UGT1A5: variants seen among roughly 807,000 people sequenced by gnomAD.
The protein encoded by UGT1A5 is UDP glucuronosyltransferase family 1 member A5.
In UGT1A5, 29 loss-of-function variants were observed where a neutral mutation model predicts 40.3. The ratio of observed to expected loss-of-function variants is 0.72; its 90% CI spans 0.54 to 0.98. The LOEUF is 0.98. Among genes scored for constraint, UGT1A5 ranks in the 50% least tolerant of loss-of-function variants. UGT1A5 has a pLI of 0.00. For synonymous variants in UGT1A5, 257 were observed against 262.5 expected (o/e 0.98, Z 0.20); for missense variants, 678 against 677.9 (o/e 1.00, Z 0.00).
chr2:233,719,875 G>A (rs1258647724), intron 1 of UGT1A5, among the ~76,000 whole-genome samples: 1 of 152,206 alleles, frequency 6.6e-6, no homozygotes, highest in Non-Finnish European at 1.5e-5. Context: ...AGGAAGAAGA[G>A]GCACGGATGA....
chr2:233,719,624 G>A (rs3732217), intron 1 of UGT1A5: 109,088 of 1,613,632 alleles, frequency 0.068, 3,778 homozygotes, highest in East Asian at 0.17. Context: ...ACCCCAGGCC[G>A]ATCATGCCCA....
chr2:233,765,728 A>C (rs1698929525), intron 1 of UGT1A5, among the ~76,000 whole-genome samples: 1 of 151,098 alleles, frequency 6.6e-6, no homozygotes, highest in Admixed American at 6.6e-5. Flanking sequence ...TAATAATAAT[A>C]ATAAATAAAC....
chr2:233,772,643 T>C lies in UGT1A5; in HGVS notation c.*84T>C, dbSNP rs78684540. ...AAAACAGAATCAGTGTTAAATTCAT[T>C]TTATTCTTATTAAGGAAATACTTTG... is the stretch of plus-strand genomic sequence containing the variant. On this transcript the variant is annotated 3_prime_UTR_variant, in exon 5 of 5. Transcript: ENST00000373414. The C allele has an allele frequency of 4.5e-5, 70 of 1,550,640 alleles. No homozygotes were observed. The East Asian group carries it at 1.3e-3, about 28-fold the overall frequency.
At chr2:233,768,584 T>C (rs1699663282) in intron 4 of UGT1A5, 145 bp downstream of exon 4, 3 of 86,896 alleles carry the variant, frequency 3.5e-5, no homozygotes, top group Non-Finnish European at 4.3e-5. Flanking sequence ...TATTTCTTCT[T>C]TTTTTTTTTT....
intron 1 of UGT1A5, among the ~76,000 whole-genome samples, chr2:233,722,899 G>A (rs1015320069): frequency 7.8e-6 from 1 of 128,092 alleles, no homozygotes; most frequent in Non-Finnish European, 1.7e-5. Flanking sequence ...AGTGGAAGTG[G>A]ATCATCATAA....
chr2:233,738,550 A>G (rs1046913634), intron 1 of UGT1A5, among the ~76,000 whole-genome samples: 1 of 152,224 alleles, frequency 6.6e-6, no homozygotes, highest in African/African-American at 2.4e-5. Flanking sequence ...AGTCTCAGAT[A>G]GAGATGAGGA....
chr2:233,766,884 A>C, intron 1 of UGT1A5, 150 bp from the exon 2 acceptor site: 4 of 1,457,402 alleles, frequency 2.7e-6, no homozygotes, highest in Non-Finnish European at 3.6e-6. Context: ...ATGCTGTAAA[A>C]CTTACATATT....
At chr2:233,746,478 T>C (rs1007346584) in intron 1 of UGT1A5, among the ~76,000 whole-genome samples, 1 of 151,746 alleles carries the variant, frequency 6.6e-6, no homozygotes, top group Non-Finnish European at 1.5e-5. Flanking sequence ...AGAAACACTT[T>C]CCATGGACAT....
chr2:233,760,285 G>A (rs376515645), intron 1 of UGT1A5: 12 of 1,612,814 alleles, frequency 7.4e-6, no homozygotes, highest in African/African-American at 4.0e-5. Context: ...GAGCAAAGGC[G>A]CCATGGCTGT....
chr2:233,720,665 C>T (rs2076879709), intron 1 of UGT1A5, among the ~76,000 whole-genome samples: 1 of 151,682 alleles, frequency 6.6e-6, no homozygotes, highest in South Asian at 2.1e-4. Flanking sequence ...AATTCACACA[C>T]CAATGAATTT....
In UGT1A5 at chr2:233,773,103, T is replaced by A. The variant is rs1559421928; in HGVS notation, c.*544T>A. ...CTTGGAGTGCACTGAGAACAGCATATGATTTCTTGCTTTGGGGAAAAAGAA... is the reference window on the plus strand; with the variant it reads ...CTTGGAGTGCACTGAGAACAGCATAAGATTTCTTGCTTTGGGGAAAAAGAA... On this transcript the variant is annotated 3_prime_UTR_variant, in exon 5 of 5. Transcript: ENST00000373414. The A allele has an allele frequency of 6.4e-6, 1 of 156,320 alleles. No individual in the cohort carries two copies. Among genetic ancestry groups the A allele is most frequent in the Non-Finnish European group, 1.4e-5 (1 of 70,266 alleles). 9.7% of individuals were successfully genotyped at this position (156,320 alleles called of 1,614,324 possible).
intron 1 of UGT1A5, among the ~76,000 whole-genome samples, chr2:233,716,363 G>A (rs914574200): frequency 6.6e-6 from 1 of 152,108 alleles, no homozygotes; most frequent in Non-Finnish European, 1.5e-5. Context: ...ATACTTTGTG[G>A]GGCTGTGATT....
At chr2:233,741,101 A>C (rs559824040) in intron 1 of UGT1A5, among the ~76,000 whole-genome samples, 9 of 151,948 alleles carry the variant, frequency 5.9e-5, no homozygotes, top group Non-Finnish European at 8.8e-5. Context: ...GCAAACAGAC[A>C]ATCAAGCTTT....
At chr2:233,761,619 G>A (rs34165552) in intron 1 of UGT1A5, among the ~76,000 whole-genome samples, 1 of 152,358 alleles carries the variant, frequency 6.6e-6, no homozygotes, top group Non-Finnish European at 1.5e-5. Context: ...ATTCTGATAA[G>A]AAGCTAAATC....
intron 1 of UGT1A5, chr2:233,747,538 CATTTTCTAAAAGTATGGCAATTT>C (rs1393766304): frequency 6.2e-7 from 1 of 1,604,248 alleles, no homozygotes; most frequent in East Asian, 2.2e-5. Flanking sequence ...TTTCTGAAGA[CATTTTCTAAAAGTATGGCAATTT>C]TGAAAAATTC....
chr2:233,743,427 G>A, intron 1 of UGT1A5: 2 of 1,349,658 alleles, frequency 1.5e-6, no homozygotes, highest in South Asian at 2.3e-5. Context: ...GGGAGCCAAA[G>A]GAACGAAATC....
At chr2:233,719,313 C>A in intron 1 of UGT1A5, 2 of 1,613,954 alleles carry the variant, frequency 1.2e-6, no homozygotes, top group Non-Finnish European at 1.7e-6. Flanking sequence ...GGCTAAGTAC[C>A]TGTCGATTCC....
intron 1 of UGT1A5, among the ~76,000 whole-genome samples, chr2:233,766,129 A>G (rs1046451620): frequency 6.6e-6 from 1 of 152,192 alleles, no homozygotes; most frequent in Non-Finnish European, 1.5e-5. Context: ...GGTGTACCAG[A>G]AGAATCGAAT....
chr2:233,748,188 T>A (rs1575688597), intron 1 of UGT1A5: 1 of 1,565,216 alleles, frequency 6.4e-7, no homozygotes, highest in East Asian at 2.2e-5. Flanking sequence ...GTGCTTTTAT[T>A]TCTGCTTGTC....
Sources: allele counts gnomAD v4.1 joint callset (sites outside exome capture counted in the v4.1 genomes callset), GRCh38; gene constraint gnomAD v4.1.1; transcripts MANE v1.5; gene names NCBI Gene and HGNC (gene_info 2026-07-23, HGNC 2026-07-21).